The following DDX10 variants were observed in gnomAD, a reference collection of about 807,000 sequenced individuals.
The protein encoded by DDX10 is probable ATP-dependent RNA helicase DDX10.
In DDX10, 74 loss-of-function variants were observed where a neutral mutation model predicts 104.3. The ratio of observed to expected loss-of-function variants is 0.71; its 90% CI spans 0.59 to 0.86. The LOEUF (loss-of-function observed/expected upper bound fraction) is 0.86. Ranked by LOEUF, DDX10 falls within the 40% of genes least tolerant of loss-of-function variation. The pLI, the probability that DDX10 is intolerant of heterozygous loss-of-function variation, is 0.00. For missense variants in DDX10, 952 were observed against 1,040.0 expected (o/e 0.92, Z 1.16); for synonymous variants, 351 against 353.4 (o/e 0.99, Z 0.08).
chr11:108,745,510 T>C (rs1461358788), intron 13 of DDX10, among the ~76,000 whole-genome samples: 2 of 152,082 alleles, frequency 1.3e-5, no homozygotes, highest in African/African-American at 4.8e-5. Context: ...AGTGTTAAGA[T>C]TACAGGCATG....
chr11:108,702,078 C>A (rs1349963310), intron 9 of DDX10, among the ~76,000 whole-genome samples: 1 of 148,980 alleles, frequency 6.7e-6, no homozygotes, highest in Non-Finnish European at 1.5e-5. Flanking sequence ...ATGACACATG[C>A]CCTCAAATTT....
At chr11:108,803,582 GAAAAAAAAAA>G (rs34367715) in intron 13 of DDX10, among the ~76,000 whole-genome samples, 1 of 22,468 alleles carries the variant, frequency 4.5e-5, no homozygotes, top group Non-Finnish European at 1.2e-4. Flanking sequence ...CAACAAGAGC[GAAAAAAAAAA>G]AAAAAAAAAA....
chr11:108,903,594 T>C (rs766080557), intron 16 of DDX10, among the ~76,000 whole-genome samples: 6 of 152,172 alleles, frequency 3.9e-5, no homozygotes, highest in Non-Finnish European at 7.4e-5. Flanking sequence ...TATTAGGTAT[T>C]ATAAGTAATC....
chr11:108,838,437 C>G lies in DDX10; in HGVS notation c.1966-9C>G. ...TAATCATCTGTGTTTTTTGTATGTT[C>G]TCACACAGAAGAAAGAACCTTCTAA... On this transcript the variant is annotated splice_polypyrimidine_tract_variant and intron_variant, in intron 13 of 17. Transcript: ENST00000322536. The G allele has an allele frequency of 6.2e-7, 1 of 1,604,800 alleles. No individual in the cohort carries two copies. The highest frequency in any genetic ancestry group is 8.5e-7 in the Non-Finnish European group (1 of 1,177,268).
intron 16 of DDX10, among the ~76,000 whole-genome samples, chr11:108,858,890 G>A (rs535114208): frequency 6.6e-6 from 1 of 152,248 alleles, no homozygotes; most frequent in South Asian, 2.1e-4. Context: ...CACCTTGCCT[G>A]TCAGCTTTGG....
chr11:108,837,224 A>G (rs1278985883), intron 13 of DDX10, among the ~76,000 whole-genome samples: 1 of 152,220 alleles, frequency 6.6e-6, no homozygotes. Flanking sequence ...AGGTTAGGTA[A>G]TGGTAACTAA....
chr11:108,917,785 A>G (rs1863769877), intron 16 of DDX10, 88 bp from the exon 17 acceptor site: 3 of 1,309,484 alleles, frequency 2.3e-6, no homozygotes, highest in Non-Finnish European at 3.2e-6. Context: ...TGTCAATTAG[A>G]GGGATATCCA....
chr11:108,727,981 A>G (rs564957362), intron 13 of DDX10, among the ~76,000 whole-genome samples: 1 of 152,222 alleles, frequency 6.6e-6, no homozygotes, highest in African/African-American at 2.4e-5. Flanking sequence ...CATGATCCTT[A>G]TGGGTACATT....
chr11:108,840,251 AGGAATCTCATCT>A (rs1347726026), intron 14 of DDX10, among the ~76,000 whole-genome samples: 1 of 152,220 alleles, frequency 6.6e-6, no homozygotes, highest in Admixed American at 6.5e-5. Context: ...GAGGCTCCAT[AGGAATCTCATCT>A]TGAAGAATGG....
chr11:108,747,154 A>C (rs1442306930), intron 13 of DDX10, among the ~76,000 whole-genome samples: 1 of 152,178 alleles, frequency 6.6e-6, no homozygotes, highest in Non-Finnish European at 1.5e-5. Flanking sequence ...CTAGATTAAG[A>C]GGCCCAGTAT....
chr11:108,809,379 T>C (rs1054514981), intron 13 of DDX10, among the ~76,000 whole-genome samples: 1 of 152,224 alleles, frequency 6.6e-6, no homozygotes, highest in African/African-American at 2.4e-5. Flanking sequence ...TGTGTGTTGG[T>C]TGACTTTTTG....
intron 16 of DDX10, among the ~76,000 whole-genome samples, chr11:108,902,685 TG>T (rs1335188637): frequency 1.3e-5 from 2 of 152,130 alleles, no homozygotes; most frequent in Non-Finnish European, 2.9e-5. Context: ...GATTTGAAAT[TG>T]GGAGGTGTTC....
At chr11:108,885,255 C>T (rs1056368403) in intron 16 of DDX10, among the ~76,000 whole-genome samples, 1 of 152,132 alleles carries the variant, frequency 6.6e-6, no homozygotes, top group Non-Finnish European at 1.5e-5. Flanking sequence ...TGTCATTCTC[C>T]TGGTACCTCT....
At chr11:108,677,945 T>C (rs2094228244) in intron 4 of DDX10, among the ~76,000 whole-genome samples, 1 of 152,012 alleles carries the variant, frequency 6.6e-6, no homozygotes, top group African/African-American at 2.4e-5. Context: ...CCTTGAGCGG[T>C]GTCAGAGTCT....
intron 1 of DDX10, among the ~76,000 whole-genome samples, chr11:108,669,128 C>CT (rs1370495829): frequency 3.3e-5 from 5 of 150,378 alleles, no homozygotes; most frequent in Non-Finnish European, 1.5e-5. Flanking sequence ...GAGTCTCACT[C>CT]TATCACCCAG....
intron 13 of DDX10, among the ~76,000 whole-genome samples, chr11:108,798,195 A>G (rs2090289386): frequency 6.6e-6 from 1 of 152,110 alleles, no homozygotes; most frequent in Admixed American, 6.5e-5. Context: ...TTCAATAAAC[A>G]TTCTTTTGGT....
At chr11:108,782,805 A>C (rs1353350079) in intron 13 of DDX10, among the ~76,000 whole-genome samples, 4 of 152,160 alleles carry the variant, frequency 2.6e-5, no homozygotes, top group African/African-American at 9.7e-5. Flanking sequence ...ATAGAATCCA[A>C]TAAGAAAGAA....
chr11:108,755,312 T>A (rs1452687984), intron 13 of DDX10, among the ~76,000 whole-genome samples: 1 of 152,102 alleles, frequency 6.6e-6, no homozygotes. Context: ...TATAGCTGCA[T>A]GATTTTTTCT....
intron 16 of DDX10, among the ~76,000 whole-genome samples, chr11:108,853,918 C>T (rs1295093054): frequency 6.6e-6 from 1 of 152,162 alleles, no homozygotes; most frequent in Non-Finnish European, 1.5e-5. Flanking sequence ...TGCAGCTCAG[C>T]CAGGAGCTTT....
Sources: gnomAD v4.1 joint callset for allele counts (sites outside exome capture counted in the v4.1 genomes callset) on GRCh38, gnomAD v4.1.1 for gene constraint, MANE v1.5 for transcripts, NCBI Gene and HGNC (gene_info 2026-07-23, HGNC 2026-07-21) for gene names.